The following SHB variants were observed in gnomAD, a reference collection of about 807,000 sequenced individuals.
The protein encoded by SHB is SH2 domain-containing adapter protein B.
In SHB, 20 loss-of-function variants were observed where a neutral mutation model predicts 52.3. The observed-to-expected ratio is 0.38, with a 90% CI of 0.27 to 0.56. The LOEUF (loss-of-function observed/expected upper bound fraction) is 0.56, where lower values mean the gene tolerates loss of function less well. Among genes scored for constraint, SHB ranks in the 20% least tolerant of loss-of-function variants. The pLI is 0.71. For synonymous variants in SHB, 397 were observed against 316.5 expected (o/e 1.25, Z -2.70); for missense variants, 825 against 723.3 (o/e 1.14, Z -1.61).
chr9:37,924,739 T>C (rs1454512978), intron 5 of SHB, among the ~76,000 whole-genome samples: 3 of 152,212 alleles, frequency 2.0e-5, no homozygotes, highest in Non-Finnish European at 4.4e-5. Flanking sequence ...TTGCCACATA[T>C]TATCTCATTT....
intron 5 of SHB, among the ~76,000 whole-genome samples, chr9:37,930,421 G>GGGGGAGGGGACATGC (rs1361340363): frequency 6.6e-6 from 1 of 152,160 alleles, no homozygotes; most frequent in East Asian, 1.9e-4. Flanking sequence ...GGATGTGGCA[G>GGGGGAGGGGACATGC]GGGGAGGGGA....
chr9:38,037,609 A>G (rs993843350), intron 1 of SHB, among the ~76,000 whole-genome samples: 1 of 152,136 alleles, frequency 6.6e-6, no homozygotes, highest in Non-Finnish European at 1.5e-5. Context: ...TAGTAACAGA[A>G]CCCACCTCAG....
intron 2 of SHB, among the ~76,000 whole-genome samples, chr9:37,976,186 C>T (rs1820651833): frequency 6.6e-6 from 1 of 152,150 alleles, no homozygotes; most frequent in South Asian, 2.1e-4. Flanking sequence ...CAAATGTGCA[C>T]CACCACACCT....
intron 1 of SHB, among the ~76,000 whole-genome samples, chr9:38,038,018 C>T (rs2118131099): frequency 6.6e-6 from 1 of 152,322 alleles, no homozygotes; most frequent in African/African-American, 2.4e-5. Flanking sequence ...AACACATTGT[C>T]TAAGAGTTTT....
intron 1 of SHB, among the ~76,000 whole-genome samples, chr9:38,054,803 G>A (rs1324991155): frequency 6.6e-6 from 1 of 152,162 alleles, no homozygotes; most frequent in African/African-American, 2.4e-5. Flanking sequence ...TGAATACCAG[G>A]TGCTCAAAAA....
At position 37,918,510 on chromosome 9, in the gene SHB, TGTG is replaced by T. The variant is rs1832133122; in HGVS notation, c.*1308_*1310del. The stretch of plus-strand genomic sequence containing the variant: ...GGCTGTGTGTGTGTGTGTGTGTGTG[TGTG>T]TAGGTGTTCTTGTGTGTGGAAGCAG... On this transcript the variant is annotated 3_prime_UTR_variant, in exon 6 of 6. Transcript: ENST00000377707. Among the ~76,000 whole-genome samples the T allele has an allele frequency of 6.7e-6, 1 of 149,526 alleles. No individual in the cohort carries two copies. The highest frequency in any genetic ancestry group is 1.5e-5 in the Non-Finnish European group (1 of 67,534).
intron 2 of SHB, among the ~76,000 whole-genome samples, chr9:37,986,827 TCA>T (rs1022701907): frequency 2.6e-5 from 4 of 152,282 alleles, no homozygotes; most frequent in African/African-American, 9.6e-5. Context: ...AGCAGGGACT[TCA>T]CAGGGCTGCA....
At chr9:38,007,408 A>G (rs1341618865) in intron 2 of SHB, among the ~76,000 whole-genome samples, 1 of 152,244 alleles carries the variant, frequency 6.6e-6, no homozygotes, top group Non-Finnish European at 1.5e-5. Context: ...GAAGGAAAAG[A>G]GGCAGAATCA....
In SHB at chr9:38,028,487, A is replaced by C. The variant is rs561681203; in HGVS notation, c.718-12356T>G. ...CTCACAACCCCACACACAGAGAAGC[A>C]AGCCACCCTCAGTGATACCCTTCCT... On this transcript the variant is annotated intron_variant, in intron 1 of 5. Coordinates refer to ENST00000377707, the MANE Select transcript of SHB (RefSeq NM_003028.3). 8.5e-5 allele frequency among the ~76,000 whole-genome samples: 13 copies of C among 152,308 alleles called. No homozygotes were observed. The East Asian group carries it at 1.9e-3, about 23-fold the overall frequency.
chr9:37,955,969 G>GC lies in SHB; in HGVS notation c.1139dup (p.Phe381LeufsTer2). 6.2e-7 allele frequency: 1 copy of GC among 1,609,604 alleles called. No individual in the cohort carries two copies. The highest frequency in any genetic ancestry group is 8.5e-7 in the Non-Finnish European group (1 of 1,178,478). On this transcript the variant is annotated frameshift_variant, in exon 4 of 6. Transcript: ENST00000377707. LOFTEE classifies it high-confidence loss of function. ...GGCTCCCATGTTTGATAGGCTTAAAGCCCCCTCCAGGGGCACGAAGCTGGC... is the reference window on the plus strand; with the variant it reads ...GGCTCCCATGTTTGATAGGCTTAAAGCCCCCCTCCAGGGGCACGAAGCTGGC...
At chr9:38,020,018 AAAACAG>A (rs1157174864) in intron 1 of SHB, among the ~76,000 whole-genome samples, 2 of 152,250 alleles carry the variant, frequency 1.3e-5, no homozygotes, top group Non-Finnish European at 2.9e-5. Flanking sequence ...AATGAAAAAC[AAAACAG>A]AAACCTGTAT....
chr9:38,069,061 C>G lies in SHB; in HGVS notation c.-416G>C, dbSNP rs1478570472. ...ATCCGCGGCTGCCGCGGGAACTTCT[C>G]GGCGTCCTCGGCTCCCTTCTTCCTT... is the stretch of plus-strand genomic sequence containing the variant. On this transcript the variant is annotated 5_prime_UTR_variant, in exon 1 of 6. Transcript: ENST00000377707. The G allele has an allele frequency of 2.6e-5, 4 of 151,800 alleles. No homozygotes were observed. The highest frequency in any genetic ancestry group is 5.9e-5 in the Non-Finnish European group (4 of 67,946). The allele number at this position is 151,800 out of a possible 1,614,324, so 9.4% of individuals were successfully genotyped here.
chr9:37,922,921 C>A (rs1355851609), intron 5 of SHB, among the ~76,000 whole-genome samples: 1 of 152,210 alleles, frequency 6.6e-6, no homozygotes, highest in Non-Finnish European at 1.5e-5. Flanking sequence ...TGCCTACCCG[C>A]TGAGGGCTTC....
intron 1 of SHB, among the ~76,000 whole-genome samples, chr9:38,027,754 C>T (rs1485587878): frequency 6.6e-6 from 1 of 151,802 alleles, no homozygotes; most frequent in Admixed American, 6.6e-5. Context: ...CTGGTGTAGG[C>T]AGAGCGGCTG....
At chr9:37,971,752 C>G (rs1047459032) in intron 3 of SHB, among the ~76,000 whole-genome samples, 1 of 152,196 alleles carries the variant, frequency 6.6e-6, no homozygotes, top group Admixed American at 6.5e-5. Flanking sequence ...CAGGCCAAAA[C>G]GGATGCTTGT....
chr9:37,983,773 C>T (rs943938), intron 2 of SHB, among the ~76,000 whole-genome samples: 84,796 of 152,074 alleles, frequency 0.56, 24,026 homozygotes, highest in East Asian at 0.73. Context: ...GATCCGTGCC[C>T]GAGACGCCAG....
chr9:38,060,500 C>T (rs1821879240), intron 1 of SHB, among the ~76,000 whole-genome samples: 1 of 152,164 alleles, frequency 6.6e-6, no homozygotes, highest in South Asian at 2.1e-4. Context: ...AGACAAGTGA[C>T]TTAACCTGTC....
At chr9:38,042,078 C>G (rs182879154) in intron 1 of SHB, among the ~76,000 whole-genome samples, 41 of 150,430 alleles carry the variant, frequency 2.7e-4, no homozygotes, top group Admixed American at 1.1e-3. Flanking sequence ...TGGCTTCGCC[C>G]AGAAGGCATC....
Position 37,948,759 on chromosome 9 carries a change from G to A in SHB, c.1227-5C>T. 6.2e-7 allele frequency: 1 copy of A among 1,613,620 alleles called. No homozygotes were observed. The highest frequency in any genetic ancestry group is 8.5e-7 in the Non-Finnish European group (1 of 1,179,998). On this transcript the variant is annotated splice_region_variant and splice_polypyrimidine_tract_variant and intron_variant, in intron 4 of 5. Coordinates refer to ENST00000377707, the MANE Select transcript of SHB (RefSeq NM_003028.3). Reference sequence around the variant, plus strand: ...CTGATGGCTCCGTGATACCATCTGTGGAGAGGGCAGAGAGTGGTCAGAGCC... The same window carrying A: ...CTGATGGCTCCGTGATACCATCTGTAGAGAGGGCAGAGAGTGGTCAGAGCC...
Sources: gnomAD v4.1 joint callset for allele counts (sites outside exome capture counted in the v4.1 genomes callset) on GRCh38, gnomAD v4.1.1 for gene constraint, MANE v1.5 for transcripts, NCBI Gene and HGNC (gene_info 2026-07-23, HGNC 2026-07-21) for gene names.